The following FAF1 variants were observed in gnomAD, a reference collection of about 807,000 sequenced individuals.
FAF1 encodes FAS-associated factor 1.
FAF1 carries 25 observed loss-of-function variants against 92.5 expected under a neutral mutation model. That is an observed-to-expected ratio of 0.27 (90% CI 0.20 to 0.38). FAF1 has a LOEUF of 0.38. Among genes scored for constraint, FAF1 ranks in the 10% least tolerant of loss-of-function variants. FAF1 has a pLI of 1.00. For missense variants in FAF1, 636 were observed against 793.3 expected (o/e 0.80, Z 2.38); for synonymous variants, 234 against 273.2 (o/e 0.86, Z 1.42).
intron 7 of FAF1, among the ~76,000 whole-genome samples, chr1:50,694,792 C>CA (rs371721063): frequency 0.11 from 6,272 of 55,802 alleles, 185 homozygotes; most frequent in Admixed American, 0.12. Flanking sequence ...CTAAAAAATA[C>CA]AAAAAAAAAA....
At chr1:50,895,108 A>G (rs946402022) in intron 1 of FAF1, among the ~76,000 whole-genome samples, 7 of 152,174 alleles carry the variant, frequency 4.6e-5, no homozygotes, top group Admixed American at 1.3e-4. Context: ...GTTTTTAGAA[A>G]AGAAAAAAAA....
chr1:50,896,682 A>G (rs904578509), intron 1 of FAF1, among the ~76,000 whole-genome samples: 45 of 152,234 alleles, frequency 3.0e-4, no homozygotes, highest in Admixed American at 2.4e-3. Context: ...AGCCAGTTAC[A>G]AAAAGGCAAA....
chr1:50,825,879 C>T (rs1367998755), intron 2 of FAF1, among the ~76,000 whole-genome samples: 1 of 152,034 alleles, frequency 6.6e-6, no homozygotes, highest in Non-Finnish European at 1.5e-5. Context: ...ATAGAGAATG[C>T]TTCTATACTT....
chr1:50,857,770 A>G (rs551018695), intron 2 of FAF1, among the ~76,000 whole-genome samples, 159 bp downstream of exon 2: 3 of 152,016 alleles, frequency 2.0e-5, no homozygotes, highest in African/African-American at 7.2e-5. Flanking sequence ...TGAGCTAAAT[A>G]TAAACTTCAT....
chr1:50,724,517 G>C (rs772389108), intron 6 of FAF1, among the ~76,000 whole-genome samples: 6 of 152,138 alleles, frequency 3.9e-5, no homozygotes, highest in Non-Finnish European at 5.9e-5. Flanking sequence ...AGTCTGAAAA[G>C]GCTTCAGGGA....
chr1:50,678,904 G>T (rs1400242126), intron 7 of FAF1, among the ~76,000 whole-genome samples: 1 of 150,764 alleles, frequency 6.6e-6, no homozygotes, highest in Non-Finnish European at 1.5e-5. Flanking sequence ...TGGCTAACAT[G>T]GTGAAACCCC....
At chr1:50,951,589 C>T (rs1557601648) in intron 1 of FAF1, among the ~76,000 whole-genome samples, 1 of 152,172 alleles carries the variant, frequency 6.6e-6, no homozygotes, top group Non-Finnish European at 1.5e-5. Context: ...AAGTCCATGT[C>T]CTTAACCACC....
At chr1:50,594,010 T>C (rs1651660021) in intron 9 of FAF1, among the ~76,000 whole-genome samples, 1 of 152,116 alleles carries the variant, frequency 6.6e-6, no homozygotes, top group African/African-American at 2.4e-5. Flanking sequence ...TCATGCTCTG[T>C]CTTAAAAAAT....
At chr1:50,637,681 A>ATGTGTGTGTGTGTGTGTGTGTGTGTG (rs142201244) in intron 8 of FAF1, among the ~76,000 whole-genome samples, 1 of 137,098 alleles carries the variant, frequency 7.3e-6, no homozygotes, top group Non-Finnish European at 1.6e-5. Flanking sequence ...ACATATATAT[A>ATGTGTGTGTGTGTGTGTGTGTGTGTG]TGTGTGTGTG....
intron 6 of FAF1, among the ~76,000 whole-genome samples, chr1:50,729,040 A>C (rs868547981): frequency 0.08 from 6,740 of 83,854 alleles, 197 homozygotes; most frequent in Middle Eastern, 0.12. Flanking sequence ...CTATCTATAT[A>C]TATATATATA....
At chr1:50,475,752 G>A in intron 17 of FAF1, 73 bp from the exon 18 acceptor site, 2 of 948,578 alleles carry the variant, frequency 2.1e-6, no homozygotes, top group Admixed American at 5.6e-5. Context: ...GAAGACACCA[G>A]AAAAAAAGCT....
At chr1:50,462,666 G>T (rs542548009) in intron 18 of FAF1, among the ~76,000 whole-genome samples, 1 of 152,148 alleles carries the variant, frequency 6.6e-6, no homozygotes, top group Non-Finnish European at 1.5e-5. Context: ...CATTGAACAC[G>T]CTGATACTCT....
chr1:50,585,209 G>A (rs192824607), intron 9 of FAF1, among the ~76,000 whole-genome samples: 131 of 152,276 alleles, frequency 8.6e-4, no homozygotes, highest in African/African-American at 3.0e-3. Flanking sequence ...TGGAGGCAAT[G>A]GTAGCATTTC....
chr1:50,597,058 T>C (rs972348897), intron 8 of FAF1, among the ~76,000 whole-genome samples: 3 of 152,166 alleles, frequency 2.0e-5, no homozygotes, highest in African/African-American at 7.2e-5. Context: ...TAGATAGGGA[T>C]AGTATTTGAT....
chr1:50,878,850 C>G (rs979945501), intron 1 of FAF1, among the ~76,000 whole-genome samples: 7 of 152,162 alleles, frequency 4.6e-5, no homozygotes, highest in African/African-American at 1.7e-4. Flanking sequence ...GCAATGAGCC[C>G]AGAATCACAG....
At chr1:50,542,535 T>G (rs1366750947) in intron 13 of FAF1, among the ~76,000 whole-genome samples, 1 of 152,218 alleles carries the variant, frequency 6.6e-6, no homozygotes, top group African/African-American at 2.4e-5. Flanking sequence ...TTCTTCCTTT[T>G]GAAGAGATAA....
At chr1:50,653,312 A>C (rs979861670) in intron 8 of FAF1, among the ~76,000 whole-genome samples, 1 of 152,118 alleles carries the variant, frequency 6.6e-6, no homozygotes, top group African/African-American at 2.4e-5. Context: ...CCTAAACCTA[A>C]AGATTTTTTT....
rs573669823 is a variant in FAF1 at position 50,834,731 on chromosome 1, G to C, written c.114+23198C>G. ...AAGTATATTCATAGTGTGGGGATTA[G>C]AAGGAGGTTCACTAATCTCCATTCA... On this transcript the variant is annotated intron_variant, in intron 2 of 18. Coordinates refer to ENST00000396153, the MANE Select transcript of FAF1 (RefSeq NM_007051.3). Among the ~76,000 whole-genome samples the C allele has an allele frequency of 1.5e-3, 234 of 152,350 alleles. 1 individual carries two copies. The highest frequency in any genetic ancestry group is 5.5e-3 in the African/African-American group (227 of 41,590).
intron 12 of FAF1, among the ~76,000 whole-genome samples, chr1:50,581,819 C>G (rs1305665526): frequency 6.6e-6 from 1 of 152,134 alleles, no homozygotes. Context: ...ACAAATGGTA[C>G]ACTATTGCCA....
Sources: gnomAD v4.1 joint callset for allele counts (sites outside exome capture counted in the v4.1 genomes callset) on GRCh38, gnomAD v4.1.1 for gene constraint, MANE v1.5 for transcripts, NCBI Gene and HGNC (gene_info 2026-07-23, HGNC 2026-07-21) for gene names.